Variants in SEC14L1 observed in about 807,000 individuals in gnomAD.
The protein encoded by SEC14L1 is SEC14 like lipid binding 1, also known as SEC14-like protein 1.
Under a neutral mutation model 85.3 loss-of-function variants are expected in SEC14L1, and 48 were observed. The ratio of observed to expected loss-of-function variants is 0.56; its 90% confidence interval spans 0.45 to 0.72. SEC14L1 has a LOEUF of 0.72. Among genes scored for constraint, SEC14L1 ranks in the 30% least tolerant of loss-of-function variants. The pLI is 0.00. For synonymous variants in SEC14L1, 391 were observed against 355.5 expected (o/e 1.10, Z -1.12); for missense variants, 682 against 921.4 (o/e 0.74, Z 3.36).
At chr17:77,199,743 G>A (rs1303930419) in intron 8 of SEC14L1, among the ~76,000 whole-genome samples, 6 of 152,116 alleles carry the variant, frequency 3.9e-5, no homozygotes, top group Non-Finnish European at 5.9e-5. Context: ...TCTACTTTGC[G>A]GAAACGAAAA....
In SEC14L1 at chr17:77,215,967, C is replaced by G. The variant is rs867706784; in HGVS notation, c.*1944C>G. On this transcript the variant is annotated 3_prime_UTR_variant, in exon 17 of 17. Transcript: ENST00000436233. The stretch of plus-strand genomic sequence containing the variant: ...TTCGTAGGTAGGGTTAGGTAGGGTT[C>G]GTAGGTAGGGTTAGTAGGTAGGGCT... 6 of 861,468 alleles carry G rather than the reference C, an allele frequency of 7.0e-6. 1 individual carries two copies. The highest frequency in any genetic ancestry group is 1.9e-4 in the East Asian group (1 of 5,230). The allele number at this position is 861,468 out of a possible 1,614,324, so 53.4% of individuals were successfully genotyped here.
intron 3 of SEC14L1, among the ~76,000 whole-genome samples, chr17:77,151,480 T>G (rs570842071): frequency 6.6e-6 from 1 of 152,250 alleles, no homozygotes; most frequent in East Asian, 1.9e-4. Context: ...CTGAGCTGTA[T>G]CCAAGTGTCT....
At chr17:77,191,607 A>G (rs951194950) in intron 5 of SEC14L1, among the ~76,000 whole-genome samples, 2 of 151,996 alleles carry the variant, frequency 1.3e-5, no homozygotes, top group East Asian at 1.9e-4. Context: ...CAGTGGTGCA[A>G]TCTCGGCTCA....
intron 9 of SEC14L1, among the ~76,000 whole-genome samples, chr17:77,202,945 A>G: frequency 6.6e-6 from 1 of 151,812 alleles, no homozygotes; most frequent in Admixed American, 6.6e-5. Context: ...ATAAAAAAAA[A>G]AAAAAAACAG....
chr17:77,095,030 A>T (rs1276727741), intron 3 of SEC14L1: 2 of 152,204 alleles, frequency 1.3e-5, no homozygotes, highest in Admixed American at 6.5e-5. Context: ...CTGTATGCAG[A>T]AGGCCGGCTT....
intron 3 of SEC14L1, among the ~76,000 whole-genome samples, chr17:77,098,424 A>G (rs1054093885): frequency 1.3e-5 from 2 of 151,988 alleles, no homozygotes; most frequent in African/African-American, 2.4e-5. Context: ...GCCAGAACCC[A>G]GGAGGCAGAG....
intron 3 of SEC14L1, among the ~76,000 whole-genome samples, chr17:77,131,833 A>G (rs566371439): frequency 6.6e-6 from 1 of 152,350 alleles, no homozygotes; most frequent in Admixed American, 6.5e-5. Flanking sequence ...GAATTCTGCT[A>G]GTAGTAGGAA....
intron 3 of SEC14L1, among the ~76,000 whole-genome samples, chr17:77,184,184 C>T (rs958060104): frequency 1.3e-5 from 2 of 152,206 alleles, no homozygotes; most frequent in South Asian, 4.1e-4. Flanking sequence ...ACGCCAGGCT[C>T]TGTGGCTGTC....
At chr17:77,183,756 A>G (rs943178694) in intron 3 of SEC14L1, among the ~76,000 whole-genome samples, 1 of 152,114 alleles carries the variant, frequency 6.6e-6, no homozygotes, top group Non-Finnish European at 1.5e-5. Flanking sequence ...GCAGCATTGC[A>G]TTTGGTTGTT....
At chr17:77,185,272 G>A (rs1298838387) in intron 3 of SEC14L1, 2 of 985,440 alleles carry the variant, frequency 2.0e-6, no homozygotes, top group Non-Finnish European at 2.4e-6. Flanking sequence ...TAAGGGAGGC[G>A]CTTGCTAACT....
At chr17:77,120,296 T>C (rs1598248202) in intron 3 of SEC14L1, among the ~76,000 whole-genome samples, 1 of 152,150 alleles carries the variant, frequency 6.6e-6, no homozygotes, top group East Asian at 1.9e-4. Context: ...AACCGCCTTG[T>C]TTTGCCACTC....
At chr17:77,174,443 G>A (rs779314026) in intron 3 of SEC14L1, among the ~76,000 whole-genome samples, 13 of 152,138 alleles carry the variant, frequency 8.5e-5, no homozygotes, top group African/African-American at 1.2e-4. Flanking sequence ...TCAATTGTGC[G>A]TCTCATTCAC....
intron 3 of SEC14L1, among the ~76,000 whole-genome samples, chr17:77,108,750 A>G (rs1971978410): frequency 6.7e-6 from 1 of 150,186 alleles, no homozygotes; most frequent in African/African-American, 2.5e-5. Context: ...AAAAAAAAGA[A>G]ACAGCTGACA....
At chr17:77,191,097 C>A in intron 4 of SEC14L1, 84 bp from the exon 5 acceptor site, 1 of 1,527,850 alleles carries the variant, frequency 6.5e-7, no homozygotes, top group Non-Finnish European at 9.0e-7. Context: ...GGGCAGCCCC[C>A]AGAGACAACA....
chr17:77,166,882 A>C (rs12936917), intron 3 of SEC14L1, among the ~76,000 whole-genome samples: 10,248 of 152,182 alleles, frequency 0.067, 448 homozygotes, highest in East Asian at 0.27. Flanking sequence ...TAAAGATTGT[A>C]CCTATTAAAT....
Position 77,213,298 on chromosome 17 carries a change from GC to G in SEC14L1, c.1864-13del. 6.3e-7 allele frequency: 1 copy of G among 1,593,092 alleles called. No individual in the cohort carries two copies. ...AAGCGAGTCGCCCTCAGCTGCCACT[GC>G]CCTACTTGTTCTAGGGTTCCCATGT... On this transcript the variant is annotated splice_polypyrimidine_tract_variant and intron_variant, in intron 15 of 16. Coordinates refer to ENST00000436233, the MANE Select transcript of SEC14L1 (RefSeq NM_001143998.2). The surrounding 1 kb of genome is among the most constrained non-coding windows in gnomAD (Gnocchi z 7.1).
At chr17:77,162,728 G>T (rs748569825) in intron 3 of SEC14L1, among the ~76,000 whole-genome samples, 1 of 151,852 alleles carries the variant, frequency 6.6e-6, no homozygotes, top group Non-Finnish European at 1.5e-5. Flanking sequence ...TACTCGGGAG[G>T]TTGAGGCAGG....
chr17:77,160,727 T>C (rs1034743183), intron 3 of SEC14L1, among the ~76,000 whole-genome samples: 5 of 152,252 alleles, frequency 3.3e-5, no homozygotes, highest in African/African-American at 9.6e-5. Flanking sequence ...TTTGTACTTT[T>C]ATTTTGATAA....
Position 77,206,464 on chromosome 17 carries a change from A to T in SEC14L1, c.1341+64A>T, listed in dbSNP as rs1056532597. 4 of 1,530,250 alleles carry T rather than the reference A, an allele frequency of 2.6e-6. No individual in the cohort carries two copies. The highest frequency in any genetic ancestry group is 3.6e-6 in the Non-Finnish European group (4 of 1,119,352). The allele number at this position is 1,530,250 out of a possible 1,614,324, so 94.8% of individuals were successfully genotyped here. A position where few individuals can be genotyped will look rare whatever the true frequency, so the allele number is the denominator to read the frequency against. On this transcript the variant is annotated intron_variant, in intron 12 of 16. Transcript: ENST00000436233. The surrounding 1 kb of genome is among the most constrained non-coding windows in gnomAD (Gnocchi z 4.3). ...TGGAAAGCAGATAACATGCATTCAT[A>T]TACACGTGTCTGTGACCTAAAGTCT...
Sources: allele counts gnomAD v4.1 joint callset (sites outside exome capture counted in the v4.1 genomes callset), GRCh38; gene constraint gnomAD v4.1.1; non-coding constraint Gnocchi (gnomAD v3.1); transcripts MANE v1.5; gene names NCBI Gene and HGNC (gene_info 2026-07-23, HGNC 2026-07-21).